The following PPARGC1A variants were observed in gnomAD, a reference collection of about 807,000 sequenced individuals.
PPARGC1A encodes PPARG coactivator 1 alpha, also known as peroxisome proliferator-activated receptor gamma coactivator 1-alpha.
PPARGC1A carries 25 observed loss-of-function variants against 88.7 expected under a neutral mutation model. The ratio of observed to expected loss-of-function variants is 0.28; its 90% CI spans 0.21 to 0.39. The LOEUF is 0.39. Ranked by LOEUF, PPARGC1A falls within the 10% of genes least tolerant of loss-of-function variation. The pLI is 1.00. For missense variants in PPARGC1A, 880 were observed against 968.7 expected, an observed-to-expected ratio of 0.91 and a Z score of 1.22; for synonymous variants, 363 against 355.6, an observed-to-expected ratio of 1.02 and a Z score of -0.24.
At chr4:24,408,638 G>A in the PPARGC1A span, among the ~76,000 whole-genome samples, 1 of 152,172 alleles carries the variant, frequency 6.6e-6, no homozygotes, top group Non-Finnish European at 1.5e-5. Context: ...GCTGGGAGAA[G>A]CCCAAAAGCA....
At chr4:24,182,648 C>T in the PPARGC1A span, among the ~76,000 whole-genome samples, 3 of 152,018 alleles carry the variant, frequency 2.0e-5, no homozygotes, top group East Asian at 1.9e-4. Context: ...TCCACAGCCT[C>T]GCCAGCATCT....
chr4:23,902,792 G>A, upstream of PPARGC1A, among the ~76,000 whole-genome samples: 1 of 152,138 alleles, frequency 6.6e-6, no homozygotes. Flanking sequence ...AGGGAGAAAA[G>A]CCTGTTGTTG....
the PPARGC1A span, among the ~76,000 whole-genome samples, chr4:24,087,021 T>C: frequency 1.3e-5 from 2 of 152,174 alleles, no homozygotes; most frequent in South Asian, 2.1e-4. Context: ...TATGCTATAA[T>C]ACCTGCTCAA....
At chr4:24,251,456 C>T in the PPARGC1A span, among the ~76,000 whole-genome samples, 7 of 152,168 alleles carry the variant, frequency 4.6e-5, no homozygotes, top group South Asian at 8.3e-4. Flanking sequence ...TATGCTGTCC[C>T]GCTTTTTCGG....
chr4:24,305,160 T>C, the PPARGC1A span, among the ~76,000 whole-genome samples: 1 of 135,860 alleles, frequency 7.4e-6, no homozygotes, highest in Non-Finnish European at 1.6e-5. Flanking sequence ...CATACACACA[T>C]ATATATGTGT....
the PPARGC1A span, among the ~76,000 whole-genome samples, chr4:24,053,269 T>G: frequency 6.6e-6 from 1 of 152,104 alleles, no homozygotes; most frequent in African/African-American, 2.4e-5. Context: ...CTTAAAGGTT[T>G]TAAACTCTCA....
At chr4:24,439,363 GACCAA>G in the PPARGC1A span, among the ~76,000 whole-genome samples, 32 of 152,186 alleles carry the variant, frequency 2.1e-4, no homozygotes, top group African/African-American at 7.7e-4. Flanking sequence ...TAGTTAATAA[GACCAA>G]GTCTGAAAAC....
At chr4:23,811,869 C>A (rs546537916) in intron 10 of PPARGC1A, among the ~76,000 whole-genome samples, 1 of 144,808 alleles carries the variant, frequency 6.9e-6, no homozygotes, top group African/African-American at 2.6e-5. Flanking sequence ...TAGATGACGA[C>A]CATCACGCAG....
intron 2 of PPARGC1A, among the ~76,000 whole-genome samples, chr4:23,872,135 C>A (rs984482213): frequency 2.0e-5 from 3 of 152,200 alleles, no homozygotes; most frequent in Non-Finnish European, 4.4e-5. Flanking sequence ...GTCCTTCCAG[C>A]TGGACTGAAA....
chr4:23,901,572 A>G (rs1208201524), upstream of PPARGC1A, among the ~76,000 whole-genome samples: 4 of 151,922 alleles, frequency 2.6e-5, no homozygotes, highest in African/African-American at 9.7e-5. Context: ...AGAAAAAAGA[A>G]AAGAAATAAG....
chr4:23,983,497 CAAGT>C, the PPARGC1A span, among the ~76,000 whole-genome samples: 1 of 152,030 alleles, frequency 6.6e-6, no homozygotes, highest in African/African-American at 2.4e-5. Flanking sequence ...ACCTGAAGTC[CAAGT>C]AAGAAAAACA....
chr4:24,269,633 A>T, the PPARGC1A span, among the ~76,000 whole-genome samples: 1 of 150,508 alleles, frequency 6.6e-6, no homozygotes, highest in Admixed American at 6.7e-5. Flanking sequence ...TTTAATCACC[A>T]TTAGCTGCCT....
the PPARGC1A span, among the ~76,000 whole-genome samples, chr4:24,385,511 A>G: frequency 6.6e-6 from 1 of 152,220 alleles, no homozygotes. Context: ...CTAATAAAGA[A>G]GAAAAGAGAG....
chr4:24,279,727 GTGAC>G, the PPARGC1A span, among the ~76,000 whole-genome samples: 1 of 152,068 alleles, frequency 6.6e-6, no homozygotes. Flanking sequence ...CCCTGCAAGG[GTGAC>G]TGACTGTCAC....
chr4:24,308,292 CGAA>C, the PPARGC1A span, among the ~76,000 whole-genome samples: 2 of 12,016 alleles, frequency 1.7e-4, no homozygotes, highest in African/African-American at 4.0e-4. Context: ...ACTCTGCCAC[CGAA>C]AAAAAAAAAA....
the PPARGC1A span, among the ~76,000 whole-genome samples, chr4:24,140,344 C>A: frequency 6.6e-6 from 1 of 152,154 alleles, no homozygotes; most frequent in East Asian, 1.9e-4. Flanking sequence ...CTTGGGTCAC[C>A]TATCTGATCA....
the PPARGC1A span, among the ~76,000 whole-genome samples, chr4:24,373,045 C>T: frequency 1.4e-4 from 22 of 152,250 alleles, no homozygotes; most frequent in Non-Finnish European, 2.8e-4. Context: ...TCCCTCCCAT[C>T]GGCTGCACAG....
the PPARGC1A span, among the ~76,000 whole-genome samples, chr4:24,393,579 C>G: frequency 0.013 from 2,024 of 152,264 alleles, 49 homozygotes; most frequent in African/African-American, 0.047. Context: ...AAGGAGGATG[C>G]AAAGGAGTTC....
chr4:24,122,575 A>G, the PPARGC1A span, among the ~76,000 whole-genome samples: 1 of 152,098 alleles, frequency 6.6e-6, no homozygotes, highest in East Asian at 1.9e-4. Context: ...GCTAAGTACC[A>G]TAAGGTACTG....
Sources: gnomAD v4.1 joint callset for allele counts (sites outside exome capture counted in the v4.1 genomes callset) on GRCh38, gnomAD v4.1.1 for gene constraint, MANE v1.5 for transcripts, NCBI Gene and HGNC (gene_info 2026-07-23, HGNC 2026-07-21) for gene names.